The following NTN4 variants were observed in gnomAD, a reference collection of about 807,000 sequenced individuals.
NTN4 encodes the protein netrin 4.
A neutral mutation model predicts 73.6 loss-of-function variants in NTN4; 32 were observed. The ratio of observed to expected loss-of-function variants is 0.44; its 90% CI spans 0.33 to 0.58. The LOEUF is 0.58. Among genes scored for constraint, NTN4 ranks in the 20% least tolerant of loss-of-function variants. The probability of loss-of-function intolerance (pLI) is 0.04; values close to 1 mark genes in which losing one functional copy is unlikely to be tolerated. For missense variants in NTN4, 654 were observed against 798.3 expected (o/e 0.82, Z 2.18); for synonymous variants, 258 against 287.5 (o/e 0.90, Z 1.04).
intron 2 of NTN4, among the ~76,000 whole-genome samples, chr12:95,746,134 C>T (rs1439462508): frequency 6.6e-6 from 1 of 152,140 alleles, no homozygotes; most frequent in African/African-American, 2.4e-5. Context: ...CACTGGCAGC[C>T]CCTTCCTCAA....
rs779791050 is a variant in NTN4, at chr12:95,738,102, G to T, written c.628C>A (p.Pro210Thr). ...TGCTCCTGAACTTTGGCACTGTAAGGGTTCTCTGTATCGTATGGTGGTGAC... is the reference window on the plus strand; with the variant it reads ...TGCTCCTGAACTTTGGCACTGTAAGTGTTCTCTGTATCGTATGGTGGTGAC... ...ALSPPYDTEN[P>T]YSAKVQEQLK... is the part of the protein sequence containing the mutation. Residue 210 changes from proline (P) to threonine (T), a missense_variant, in exon 3 of 10, where the codon CCT becomes ACT. Physicochemically the swap from Pro to Thr is conservative, Grantham distance 38. Transcript: ENST00000343702. 7.4e-6 allele frequency: 12 copies of T among 1,613,950 alleles called. No homozygotes were observed. Among genetic ancestry groups the T allele is most frequent in the Admixed American group, 1.7e-5 (1 of 59,998 alleles).
Position 95,790,214 on chromosome 12 carries a change from A to T in NTN4, c.55+41T>A. The stretch of plus-strand genomic sequence containing the variant: ...GAGTCCCGAGATGGGTTAGAGAAGC[A>T]GCGAGGGAAGGGGTGGGGGCCCCGC... On this transcript the variant is annotated intron_variant, in intron 1 of 9. Coordinates refer to ENST00000343702, the MANE Select transcript of NTN4 (RefSeq NM_021229.4). The surrounding 1 kb of genome is among the most constrained non-coding windows in gnomAD (Gnocchi z 6.5). 6.6e-7 allele frequency: 1 copy of T among 1,510,264 alleles called. No individual in the cohort carries two copies. Among genetic ancestry groups the T allele is most frequent in the Non-Finnish European group, 8.9e-7 (1 of 1,124,326 alleles). 93.6% of individuals were successfully genotyped at this position (1,510,264 alleles called of 1,614,324 possible).
At chr12:95,688,231 G>C (rs1473768131) in intron 5 of NTN4, among the ~76,000 whole-genome samples, 1 of 152,122 alleles carries the variant, frequency 6.6e-6, no homozygotes, top group African/African-American at 2.4e-5. Flanking sequence ...TAAGACAGTA[G>C]GTGTGGGAAT....
intron 3 of NTN4, among the ~76,000 whole-genome samples, chr12:95,734,202 A>G (rs985149939): frequency 4.6e-5 from 7 of 152,118 alleles, no homozygotes; most frequent in African/African-American, 1.7e-4. Flanking sequence ...TGCTATCATC[A>G]GCCATAAACA....
chr12:95,748,127 A>G (rs531076539), intron 2 of NTN4, among the ~76,000 whole-genome samples: 24 of 149,210 alleles, frequency 1.6e-4, no homozygotes, highest in African/African-American at 5.9e-4. Context: ...GCCACTCAGG[A>G]GGCTGAGGCA....
chr12:95,672,799 T>C (rs1012428676), intron 7 of NTN4: 3 of 1,332,858 alleles, frequency 2.3e-6, no homozygotes, highest in Admixed American at 1.7e-5. Flanking sequence ...CGCTCTGCCC[T>C]TTTGGAATAA....
At chr12:95,669,281 G>C (rs555677701) in intron 8 of NTN4, among the ~76,000 whole-genome samples, 2 of 151,700 alleles carry the variant, frequency 1.3e-5, no homozygotes, top group South Asian at 4.2e-4. Flanking sequence ...ATATTTAATA[G>C]TAAATATAAA....
chr12:95,696,213 C>CT (rs946527528), intron 5 of NTN4, among the ~76,000 whole-genome samples: 17 of 150,910 alleles, frequency 1.1e-4, no homozygotes, highest in Admixed American at 2.7e-4. Flanking sequence ...TCATGCTCCC[C>CT]TTTTTTTTTC....
intron 5 of NTN4, among the ~76,000 whole-genome samples, chr12:95,700,095 T>C (rs2078472610): frequency 8.9e-6 from 1 of 112,000 alleles, no homozygotes; most frequent in Non-Finnish European, 1.9e-5. Context: ...TTTTTTTTTT[T>C]TTTTTTTTTT....
At chr12:95,696,867 A>AT (rs1482031861) in intron 5 of NTN4, among the ~76,000 whole-genome samples, 4 of 152,088 alleles carry the variant, frequency 2.6e-5, no homozygotes, top group Non-Finnish European at 5.9e-5. Context: ...TTTATTATTT[A>AT]TTTTTTGTAA....
chr12:95,714,305 T>C (rs764599911), intron 3 of NTN4, among the ~76,000 whole-genome samples: 4 of 152,234 alleles, frequency 2.6e-5, no homozygotes, highest in East Asian at 1.9e-4. Flanking sequence ...AGATTATTTA[T>C]TTACATGATG....
chr12:95,747,099 T>C (rs987902054), intron 2 of NTN4, among the ~76,000 whole-genome samples: 2 of 152,326 alleles, frequency 1.3e-5, no homozygotes, highest in South Asian at 4.1e-4. Context: ...TATTGGATGT[T>C]TTATAATAAA....
intron 5 of NTN4, among the ~76,000 whole-genome samples, chr12:95,684,510 G>A (rs1436591913): frequency 2.0e-5 from 3 of 150,338 alleles, no homozygotes; most frequent in Admixed American, 2.0e-4. Flanking sequence ...GTCTTGCTAT[G>A]TTGCCCAGGC....
rs2078329442 is a variant in NTN4 at position 95,682,800 on chromosome 12, G to A, written c.1417C>T (p.His473Tyr). The A allele has an allele frequency of 6.2e-7, 1 of 1,612,462 alleles. No individual in the cohort carries two copies. Among genetic ancestry groups the A allele is most frequent in the African/African-American group, 1.3e-5 (1 of 74,866 alleles). Reference sequence around the variant, plus strand: ...ACGGGACGGAAGTCAGGAACTTCATGATACCAGTCTATGTCTGTGTGGCTA... The same window carrying A: ...ACGGGACGGAAGTCAGGAACTTCATAATACCAGTCTATGTCTGTGTGGCTA... ...ISSHTDIDWYHEVPDFRPVHN... is the reference protein window; with the variant it reads ...ISSHTDIDWYYEVPDFRPVHN... The change falls in exon 7 of 10, where the codon CAT (histidine) becomes TAT (tyrosine). Residue 473 changes from histidine (H) to tyrosine (Y), a missense_variant. Physicochemically the swap from His to Tyr is moderately conservative, Grantham distance 83. Coordinates refer to ENST00000343702, the MANE Select transcript of NTN4 (RefSeq NM_021229.4).
chr12:95,667,510 C>T (rs983765163), intron 8 of NTN4, among the ~76,000 whole-genome samples: 7 of 151,982 alleles, frequency 4.6e-5, no homozygotes, highest in African/African-American at 1.2e-4. Flanking sequence ...ACATTTTAGA[C>T]TTCTAAGGGG....
At chr12:95,783,128 G>A (rs891058697) in intron 2 of NTN4, among the ~76,000 whole-genome samples, 31 of 152,310 alleles carry the variant, frequency 2.0e-4, no homozygotes, top group African/African-American at 7.0e-4. Context: ...GATATCCAGG[G>A]ATGCCTAGCC....
chr12:95,759,981 G>A (rs1409650139), intron 2 of NTN4, among the ~76,000 whole-genome samples: 1 of 152,048 alleles, frequency 6.6e-6, no homozygotes, highest in African/African-American at 2.4e-5. Flanking sequence ...TTTTGGTTAG[G>A]AGTCATATTT....
In NTN4 at chr12:95,710,643, G is replaced by A. The variant is rs1216425814; in HGVS notation, c.992-14C>T. On this transcript the variant is annotated splice_polypyrimidine_tract_variant and intron_variant, in intron 4 of 9. Coordinates refer to ENST00000343702, the MANE Select transcript of NTN4 (RefSeq NM_021229.4). ...TACACTTGCAGGCTGGAAATAAGAAGCGTGGAGAGAAACACTAATAAGTAA... is the reference window on the plus strand; with the variant it reads ...TACACTTGCAGGCTGGAAATAAGAAACGTGGAGAGAAACACTAATAAGTAA... 6 of 1,607,700 alleles carry A rather than the reference G, an allele frequency of 3.7e-6. No homozygotes were observed. The Admixed American group carries it at 6.7e-5, about 18-fold the overall frequency.
At chr12:95,695,382 T>C (rs1307249837) in intron 5 of NTN4, among the ~76,000 whole-genome samples, 1 of 152,122 alleles carries the variant, frequency 6.6e-6, no homozygotes, top group African/African-American at 2.4e-5. Flanking sequence ...TTATTTTATT[T>C]TGAGACAAGT....
Sources: allele counts gnomAD v4.1 joint callset (sites outside exome capture counted in the v4.1 genomes callset), GRCh38; gene constraint gnomAD v4.1.1; non-coding constraint Gnocchi (gnomAD v3.1); transcripts MANE v1.5; gene names NCBI Gene and HGNC (gene_info 2026-07-23, HGNC 2026-07-21).